The following IL16 variants were observed in gnomAD, a reference collection of about 807,000 sequenced individuals.
IL16 encodes the protein pro-interleukin-16.
A neutral mutation model predicts 110.1 loss-of-function variants in IL16; 67 were observed. The ratio of observed to expected loss-of-function variants is 0.61; its 90% CI spans 0.50 to 0.75. The LOEUF (loss-of-function observed/expected upper bound fraction) is 0.75, where lower values mean the gene tolerates loss of function less well. IL16 is among the 30% of genes least tolerant of loss of function. The pLI is 0.00. For missense variants in IL16, 1,545 were observed against 1,655.0 expected, an observed-to-expected ratio of 0.93 and a Z score of 1.15; for synonymous variants, 689 against 662.9, an observed-to-expected ratio of 1.04 and a Z score of -0.61.
chr15:81,274,983 T>G (rs1332474882), intron 6 of IL16, among the ~76,000 whole-genome samples: 2 of 151,984 alleles, frequency 1.3e-5, no homozygotes, highest in Admixed American at 6.5e-5. Context: ...CTCCAAGGAC[T>G]GCACAGAGGC....
At chr15:81,256,622 G>A (rs543651127) in intron 2 of IL16, among the ~76,000 whole-genome samples, 2 of 152,138 alleles carry the variant, frequency 1.3e-5, no homozygotes, top group South Asian at 2.1e-4. Flanking sequence ...GGGATTACAG[G>A]TGTGAGCCAC....
At chr15:81,272,294 T>A (rs1325691579) in intron 5 of IL16, among the ~76,000 whole-genome samples, 1 of 152,252 alleles carries the variant, frequency 6.6e-6, no homozygotes, top group Admixed American at 6.5e-5. Context: ...CAGGCCATTC[T>A]GTGAACTCAC....
chr15:81,199,656 G>C (rs887150247), intron 1 of IL16, among the ~76,000 whole-genome samples: 2 of 152,082 alleles, frequency 1.3e-5, no homozygotes. Flanking sequence ...AATAGGAGGC[G>C]GTCACCTACA....
upstream of IL16, among the ~76,000 whole-genome samples, chr15:81,195,242 G>C (rs7165593): frequency 0.018 from 2,695 of 152,280 alleles, 80 homozygotes; most frequent in African/African-American, 0.062. Flanking sequence ...TAGTGGAGGA[G>C]GGGGGCTGTG....
At chr15:81,195,945 C>G (rs913147809), upstream of IL16, among the ~76,000 whole-genome samples, 2 of 151,584 alleles carry the variant, frequency 1.3e-5, no homozygotes, top group African/African-American at 4.9e-5. Flanking sequence ...GTGCCCCATT[C>G]TTTTATGCTG....
At chr15:81,274,489 G>A (rs888561728) in intron 6 of IL16, among the ~76,000 whole-genome samples, 9 of 152,140 alleles carry the variant, frequency 5.9e-5, no homozygotes, top group Admixed American at 2.6e-4. Flanking sequence ...GAGCCACAGT[G>A]CCCAGCTAGA....
chr15:81,200,403 TC>T (rs1895765822), intron 1 of IL16, among the ~76,000 whole-genome samples: 1 of 152,190 alleles, frequency 6.6e-6, no homozygotes, highest in Admixed American at 6.5e-5. Context: ...AGGGTCTCAC[TC>T]TGTTGCCCAG....
intron 2 of IL16, among the ~76,000 whole-genome samples, chr15:81,252,760 T>C (rs945166036): frequency 6.6e-6 from 1 of 152,210 alleles, no homozygotes; most frequent in Non-Finnish European, 1.5e-5. Context: ...ACTGGCTTCT[T>C]TCGTTTCATT....
chr15:81,265,244 G>T (rs763844092), intron 3 of IL16, among the ~76,000 whole-genome samples: 2 of 152,114 alleles, frequency 1.3e-5, no homozygotes, highest in Non-Finnish European at 2.9e-5. Flanking sequence ...GTTCCTACTG[G>T]GTCTCGCCTG....
intron 1 of IL16, among the ~76,000 whole-genome samples, chr15:81,220,933 A>G (rs549442692): frequency 1.8e-4 from 27 of 152,274 alleles, no homozygotes; most frequent in African/African-American, 6.3e-4. Context: ...TTTCTTTTCA[A>G]TTCAGCTCTA....
At chr15:81,284,868 T>A (rs1302639285) in intron 9 of IL16, among the ~76,000 whole-genome samples, 2 of 152,128 alleles carry the variant, frequency 1.3e-5, no homozygotes, top group Non-Finnish European at 2.9e-5. Context: ...AACAGCAGAG[T>A]TGAATAGTTT....
chr15:81,250,640 G>A (rs189380687), intron 2 of IL16, among the ~76,000 whole-genome samples: 2 of 152,238 alleles, frequency 1.3e-5, no homozygotes, highest in African/African-American at 4.8e-5. Context: ...AGGTATTGGG[G>A]CACCACCAGC....
intron 1 of IL16, among the ~76,000 whole-genome samples, chr15:81,223,038 C>T (rs566908345): frequency 6.6e-6 from 1 of 152,248 alleles, no homozygotes; most frequent in Non-Finnish European, 1.5e-5. Flanking sequence ...ACTCTAAAAG[C>T]TTAAAACGTA....
chr15:81,285,615 C>T, intron 9 of IL16, 83 bp from the exon 10 acceptor site: 5 of 1,457,886 alleles, frequency 3.4e-6, no homozygotes, highest in Non-Finnish European at 4.7e-6. Flanking sequence ...AACAGCCCAG[C>T]CAGGAGTGGG....
At chr15:81,267,980 C>G (rs1898466520) in intron 4 of IL16, among the ~76,000 whole-genome samples, 1 of 152,218 alleles carries the variant, frequency 6.6e-6, no homozygotes, top group Non-Finnish European at 1.5e-5. Flanking sequence ...GTGGCCCAGT[C>G]AAGTGGACAC....
intron 9 of IL16, among the ~76,000 whole-genome samples, chr15:81,284,101 A>G (rs1042564538): frequency 2.1e-4 from 32 of 152,000 alleles, no homozygotes; most frequent in African/African-American, 7.5e-4. Context: ...CTCCAGATAT[A>G]TTTTTTATAA....
Position 81,183,667 on chromosome 15 carries a change from T to C in IL16, c.40+771T>C, listed in dbSNP as rs537217923. On this transcript the variant is annotated intron_variant, in intron 1 of 18. Transcript: ENST00000302987. Reference sequence around the variant, plus strand: ...TGACTTTTCTAGCTACAGAAAGATATGGCTAGAACCCTGGCATCTACTTGC... The same window carrying C: ...TGACTTTTCTAGCTACAGAAAGATACGGCTAGAACCCTGGCATCTACTTGC... Among the ~76,000 whole-genome samples, 3 of 152,292 alleles carry C rather than the reference T, an allele frequency of 2.0e-5. No individual in the cohort carries two copies. In the South Asian group the frequency reaches 6.2e-4, roughly 32 times the overall value.
chr15:81,298,180 C>T (rs968608358), intron 13 of IL16, among the ~76,000 whole-genome samples: 3 of 152,246 alleles, frequency 2.0e-5, no homozygotes, highest in African/African-American at 7.2e-5. Context: ...AGGCTGGAGG[C>T]CTGGGCTCAC....
chr15:81,251,944 G>T (rs929473268), intron 2 of IL16, among the ~76,000 whole-genome samples: 1 of 151,994 alleles, frequency 6.6e-6, no homozygotes, highest in Non-Finnish European at 1.5e-5. Context: ...GGAAAAACAC[G>T]TAAGATGAGT....
Sources: gnomAD v4.1 joint callset for allele counts (sites outside exome capture counted in the v4.1 genomes callset) on GRCh38, gnomAD v4.1.1 for gene constraint, MANE v1.5 for transcripts, NCBI Gene and HGNC (gene_info 2026-07-23, HGNC 2026-07-21) for gene names.